MACROD2: variants seen among roughly 807,000 people sequenced by gnomAD.
The protein encoded by MACROD2 is mono-ADP ribosylhydrolase 2, also known as ADP-ribose glycohydrolase MACROD2.
MACROD2 carries 36 observed loss-of-function variants against 70.4 expected under a neutral mutation model. The observed-to-expected ratio is 0.51, with a 90% CI of 0.39 to 0.68. The LOEUF (loss-of-function observed/expected upper bound fraction) is 0.68. Among genes scored for constraint, MACROD2 ranks in the 30% least tolerant of loss-of-function variants. MACROD2 has a pLI of 0.00. For missense variants in MACROD2, 496 were observed against 538.4 expected, an observed-to-expected ratio of 0.92 and a Z score of 0.78; for synonymous variants, 172 against 178.8, an observed-to-expected ratio of 0.96 and a Z score of 0.30.
intron 5 of MACROD2, among the ~76,000 whole-genome samples, chr20:15,021,216 A>ACG (rs2075174176): frequency 8.6e-5 from 1 of 11,608 alleles, no homozygotes; most frequent in African/African-American, 5.4e-4. Context: ...ATGTATACAC[A>ACG]TACAGGTGTG....
intron 3 of MACROD2, among the ~76,000 whole-genome samples, chr20:14,421,154 G>T (rs1234515629): frequency 6.6e-6 from 1 of 152,194 alleles, no homozygotes; most frequent in East Asian, 1.9e-4. Context: ...ATATTCACAA[G>T]AAATATTGAT....
At chr20:15,297,215 T>G (rs555551909) in intron 6 of MACROD2, among the ~76,000 whole-genome samples, 1 of 152,316 alleles carries the variant, frequency 6.6e-6, no homozygotes, top group South Asian at 2.1e-4. Context: ...AGGCAGGGGC[T>G]GGGAGAGTTA....
chr20:14,557,656 A>T (rs974450403), intron 4 of MACROD2, among the ~76,000 whole-genome samples: 1 of 151,850 alleles, frequency 6.6e-6, no homozygotes, highest in Non-Finnish European at 1.5e-5. Context: ...GGGAAATGTA[A>T]ATCAAAACCA....
At chr20:15,320,959 A>G (rs2077867952) in intron 6 of MACROD2, among the ~76,000 whole-genome samples, 1 of 152,190 alleles carries the variant, frequency 6.6e-6, no homozygotes, top group Non-Finnish European at 1.5e-5. Context: ...TTGGGTGAGG[A>G]AAAAAACAAC....
intron 5 of MACROD2, among the ~76,000 whole-genome samples, chr20:15,104,017 G>A (rs1180639152): frequency 2.0e-5 from 3 of 152,132 alleles, no homozygotes; most frequent in Non-Finnish European, 2.9e-5. Context: ...CACAAGTGAT[G>A]GTGATGGCTT....
In MACROD2 at chr20:15,885,818, A is replaced by T. The variant is rs1349566517; in HGVS notation, c.775+7A>T. ...GAAATGAAAGAAGATTCAGGTATTA[A>T]ATTCATACTTTTATTATTAGGGGGT... On this transcript the variant is annotated splice_region_variant and intron_variant, in intron 10 of 17. Coordinates refer to ENST00000684519, the MANE Select transcript of MACROD2 (RefSeq NM_001351661.2). 4 of 1,499,280 alleles carry T rather than the reference A, an allele frequency of 2.7e-6. No homozygotes were observed. Among genetic ancestry groups the T allele is most frequent in the Non-Finnish European group, 3.6e-6 (4 of 1,125,286 alleles). 92.9% of individuals were successfully genotyped at this position (1,499,280 alleles called of 1,614,324 possible).
chr20:15,402,811 A>G (rs1360960475), intron 6 of MACROD2, among the ~76,000 whole-genome samples: 5 of 152,210 alleles, frequency 3.3e-5, no homozygotes, highest in Non-Finnish European at 7.3e-5. Context: ...TTCTGCTTTA[A>G]TTAGGTATCT....
intron 7 of MACROD2, among the ~76,000 whole-genome samples, chr20:15,496,567 T>C (rs1466871630): frequency 6.6e-6 from 1 of 152,262 alleles, no homozygotes; most frequent in Non-Finnish European, 1.5e-5. Flanking sequence ...AGGTGAATGT[T>C]AATACTGATG....
chr20:14,371,936 A>G (rs1272118496), intron 3 of MACROD2, among the ~76,000 whole-genome samples: 1 of 151,426 alleles, frequency 6.6e-6, no homozygotes, highest in Non-Finnish European at 1.5e-5. Flanking sequence ...GCTCCCCCCA[A>G]CCCCTCTGTA....
At chr20:15,575,241 T>C (rs201976132) in intron 8 of MACROD2, among the ~76,000 whole-genome samples, 2 of 152,220 alleles carry the variant, frequency 1.3e-5, no homozygotes, top group East Asian at 3.9e-4. Context: ...TCATATTTTC[T>C]GCTTGTGATT....
chr20:15,906,385 A>G (rs1403872753), intron 10 of MACROD2, among the ~76,000 whole-genome samples: 2 of 152,190 alleles, frequency 1.3e-5, no homozygotes, highest in Non-Finnish European at 2.9e-5. Context: ...AGTAAAAATA[A>G]CCTTTTTTTC....
intron 8 of MACROD2, among the ~76,000 whole-genome samples, chr20:15,781,662 G>A (rs1338956968): frequency 1.3e-5 from 2 of 152,102 alleles, no homozygotes; most frequent in Non-Finnish European, 2.9e-5. Flanking sequence ...ATGAGGAGAG[G>A]AGGCCTCATG....
chr20:14,541,414 T>C (rs1441572177), intron 4 of MACROD2, among the ~76,000 whole-genome samples: 2 of 152,124 alleles, frequency 1.3e-5, no homozygotes, highest in African/African-American at 2.4e-5. Context: ...TCCGACCATC[T>C]CATATAAACC....
At chr20:15,227,095 G>C (rs2076913414) in intron 5 of MACROD2, among the ~76,000 whole-genome samples, 1 of 152,018 alleles carries the variant, frequency 6.6e-6, no homozygotes, top group Admixed American at 6.6e-5. Flanking sequence ...ATTCGATCTT[G>C]GATGCTATAA....
chr20:14,783,130 G>A (rs536274052), intron 5 of MACROD2, among the ~76,000 whole-genome samples: 39 of 152,192 alleles, frequency 2.6e-4, no homozygotes, highest in Middle Eastern at 3.4e-3. Context: ...TTCCATGTGC[G>A]TTTGTAAAAG....
At chr20:14,404,967 A>AT (rs2083677107) in intron 3 of MACROD2, among the ~76,000 whole-genome samples, 2 of 152,164 alleles carry the variant, frequency 1.3e-5, no homozygotes, top group African/African-American at 2.4e-5. Context: ...AAAGAAAAAA[A>AT]ATATATATTC....
At chr20:14,104,367 C>T (rs376146082) in intron 3 of MACROD2, among the ~76,000 whole-genome samples, 4 of 152,266 alleles carry the variant, frequency 2.6e-5, no homozygotes, top group Non-Finnish European at 2.9e-5. Context: ...GAGCAACACA[C>T]GCTGAATGTT....
intron 5 of MACROD2, among the ~76,000 whole-genome samples, chr20:14,997,786 G>A (rs2074962409): frequency 6.6e-6 from 1 of 152,024 alleles, no homozygotes; most frequent in Admixed American, 6.6e-5. Flanking sequence ...ATGGGCCCTG[G>A]GCAAGTCCCA....
At chr20:15,759,316 T>C (rs995996693) in intron 8 of MACROD2, among the ~76,000 whole-genome samples, 3 of 152,224 alleles carry the variant, frequency 2.0e-5, no homozygotes, top group Admixed American at 1.3e-4. Context: ...ATAGTACTTA[T>C]GATTTTATAT....
Sources: allele counts gnomAD v4.1 joint callset (sites outside exome capture counted in the v4.1 genomes callset), GRCh38; gene constraint gnomAD v4.1.1; transcripts MANE v1.5; gene names NCBI Gene and HGNC (gene_info 2026-07-23, HGNC 2026-07-21).